FN1: variants seen among roughly 807,000 people sequenced by gnomAD.
FN1 encodes fibronectin 1.
A neutral mutation model predicts 297.3 loss-of-function variants in FN1; 106 were observed. The ratio of observed to expected loss-of-function variants is 0.36; its 90% CI spans 0.30 to 0.42. FN1 has a LOEUF of 0.42. Among genes scored for constraint, FN1 ranks in the 10% least tolerant of loss-of-function variants. The probability of loss-of-function intolerance (pLI) is 1.00; values close to 1 mark genes in which losing one functional copy is unlikely to be tolerated. For missense variants in FN1, 2,690 were observed against 3,124.9 expected, an observed-to-expected ratio of 0.86 and a Z score of 3.32; for synonymous variants, 1,149 against 1,152.6, an observed-to-expected ratio of 1.00 and a Z score of 0.06.
intron 20 of FN1, among the ~76,000 whole-genome samples, chr2:215,401,468 G>A (rs1193742779): frequency 6.6e-6 from 1 of 152,128 alleles, no homozygotes; most frequent in East Asian, 1.9e-4. Context: ...ATTTTGAGTT[G>A]GGTAAGTTTA....
At position 215,362,092 on chromosome 2, in the gene FN1, A is replaced by G. The variant is rs1003487753; in HGVS notation, c.7252-13T>C. The G allele has an allele frequency of 3.7e-6, 6 of 1,602,534 alleles. No individual in the cohort carries two copies. The highest frequency in any genetic ancestry group is 5.1e-6 in the Non-Finnish European group (6 of 1,169,530). Reference sequence around the variant, plus strand: ...CACAGCGCCAGCCCTGAGAGAGTAGAGGCATGAAGTCAAATGGGGTTTATG... The same window carrying G: ...CACAGCGCCAGCCCTGAGAGAGTAGGGGCATGAAGTCAAATGGGGTTTATG... On this transcript the variant is annotated splice_polypyrimidine_tract_variant and intron_variant, in intron 44 of 45. Transcript: ENST00000354785.
chr2:215,427,814 A>G (rs1440611505), intron 6 of FN1, among the ~76,000 whole-genome samples: 1 of 152,038 alleles, frequency 6.6e-6, no homozygotes, highest in Non-Finnish European at 1.5e-5. Flanking sequence ...ATTAATTATA[A>G]CTCTCATTTC....
At chr2:215,385,046 T>C in intron 28 of FN1, 70 bp from the exon 29 acceptor site, 2 of 1,079,374 alleles carry the variant, frequency 1.9e-6, no homozygotes, top group Non-Finnish European at 2.9e-6. Context: ...GTTTGTTCAT[T>C]TTCCAGATAA....
chr2:215,419,937 A>C (rs1339774970), intron 11 of FN1, among the ~76,000 whole-genome samples: 2 of 152,206 alleles, frequency 1.3e-5, no homozygotes. Flanking sequence ...TCAGTGAGCA[A>C]CCTGTCTCTT....
intron 20 of FN1, among the ~76,000 whole-genome samples, chr2:215,403,225 A>G (rs2061358906): frequency 6.6e-6 from 1 of 152,214 alleles, no homozygotes; most frequent in Non-Finnish European, 1.5e-5. Context: ...AGTGAATTTT[A>G]CTTGCTTACG....
rs1575629361 is a variant in FN1 at position 215,408,516 on chromosome 2, T to C, written c.2300-90A>G. On this transcript the variant is annotated intron_variant, in intron 15 of 45. Transcript: ENST00000354785. Reference sequence around the variant, plus strand: ...TATAAGAAGGATATTTTAAGAATTATATATTCATAGGGAAAAGCGACTAGA... The same window carrying C: ...TATAAGAAGGATATTTTAAGAATTACATATTCATAGGGAAAAGCGACTAGA... 3.1e-6 allele frequency: 4 copies of C among 1,300,450 alleles called. No individual in the cohort carries two copies. In the East Asian group the frequency reaches 7.2e-5, roughly 23 times the overall value. The allele number at this position is 1,300,450 out of a possible 1,614,324, so 80.6% of individuals were successfully genotyped here.
At chr2:215,428,381 C>A (rs932933637) in intron 5 of FN1, 43 bp from the exon 6 acceptor site, 5 of 1,584,590 alleles carry the variant, frequency 3.2e-6, no homozygotes, top group South Asian at 1.1e-5. Flanking sequence ...GGTCGAGAGT[C>A]GCAAGTGGTC....
At chr2:215,371,802 C>T (rs2056222626) in intron 40 of FN1, 107 bp downstream of exon 40, 3 of 954,978 alleles carry the variant, frequency 3.1e-6, no homozygotes, top group South Asian at 2.7e-5. Context: ...CGTGAGCCAT[C>T]ACACCCGGCC....
rs1484809386 is a variant in FN1 at position 215,430,704 on chromosome 2, G to A, written c.685+11C>T. The A allele has an allele frequency of 6.8e-6, 11 of 1,613,632 alleles. No homozygotes were observed. The highest frequency in any genetic ancestry group is 8.5e-7 in the Non-Finnish European group (1 of 1,179,726). On this transcript the variant is annotated intron_variant, in intron 5 of 45. Transcript: ENST00000354785. ...CTGGCTTAATCTTTAACATAAAGAT[G>A]TAAAACATACTTCTAGAAGTGCAAG...
In FN1 at chr2:215,406,376, G is replaced by A. The variant is rs746529288; in HGVS notation, c.2848C>T (p.His950Tyr). ...DVIPVNLPGE[H>Y]GQRLPISRNT... Reference sequence around the variant, plus strand: ...CTGCTGATGGGCAGCCTCTGCCCGTGCTCGCCAGGCAGGTTGACGGGGATC... The same window carrying A: ...CTGCTGATGGGCAGCCTCTGCCCGTACTCGCCAGGCAGGTTGACGGGGATC... The change falls in exon 19 of 46, where the codon CAC becomes TAC. Residue 950 changes from histidine (H) to tyrosine (Y), a missense_variant. Coordinates refer to ENST00000354785, the MANE Select transcript of FN1 (RefSeq NM_212482.4). 23 of 1,614,070 alleles carry A rather than the reference G, an allele frequency of 1.4e-5. 1 individual carries two copies. The South Asian group carries it at 2.2e-4, about 15-fold the overall frequency.
rs2058708564 is a variant in FN1, at chr2:215,384,950, C to G, written c.4639G>C (p.Val1547Leu). The stretch of plus-strand genomic sequence containing the variant: ...AGGCTGGTGGGGGTCGCAGCAACAA[C>G]TTCCAGGTCCCTCGGAACATCAGAA... ...TVSDVPRDLE[V>L]VAATPTSLLI... Residue 1547 changes from valine (V) to leucine (L), a missense_variant, in exon 29 of 46, where the codon GTT becomes CTT. Coordinates refer to ENST00000354785, the MANE Select transcript of FN1 (RefSeq NM_212482.4). 2 of 1,613,734 alleles carry G rather than the reference C, an allele frequency of 1.2e-6. No individual in the cohort carries two copies. Among genetic ancestry groups the G allele is most frequent in the Non-Finnish European group, 8.5e-7 (1 of 1,179,816 alleles).
At chr2:215,415,027 G>C (rs546106557) in intron 12 of FN1, 69 bp from the exon 13 acceptor site, 22 of 1,198,590 alleles carry the variant, frequency 1.8e-5, no homozygotes, top group Middle Eastern at 2.3e-4. Context: ...CTGTGTACAT[G>C]GACAGTCATC....
At chr2:215,364,575 A>G (rs1559308914) in intron 44 of FN1, 3 of 464,710 alleles carry the variant, frequency 6.5e-6, no homozygotes, top group Non-Finnish European at 1.2e-5. Context: ...GCTTAGGAAA[A>G]TGATTCTAAC....
intron 10 of FN1, 98 bp from the exon 11 acceptor site, chr2:215,420,899 A>G: frequency 9.6e-7 from 1 of 1,045,764 alleles, no homozygotes; most frequent in Non-Finnish European, 1.5e-6. Flanking sequence ...ACTTCCACTT[A>G]ATTATCAACA....
At chr2:215,407,724 A>G (rs2061952342) in intron 17 of FN1, among the ~76,000 whole-genome samples, 1 of 152,166 alleles carries the variant, frequency 6.6e-6, no homozygotes, top group Admixed American at 6.5e-5. Flanking sequence ...GTGATGAGGC[A>G]GTTGAATCAC....
intron 20 of FN1, among the ~76,000 whole-genome samples, chr2:215,401,568 G>A (rs971799878): frequency 6.6e-6 from 1 of 152,042 alleles, no homozygotes; most frequent in African/African-American, 2.4e-5. Context: ...ATCAAATTTT[G>A]TTCCCATTGG....
intron 24 of FN1, chr2:215,393,871 G>A (rs1354980390): frequency 6.4e-6 from 1 of 155,596 alleles, no homozygotes; most frequent in Non-Finnish European, 1.4e-5. Context: ...GAGTCCAAAG[G>A]GGGACACGAT....
In FN1 at chr2:215,397,096, G is replaced by A. The variant is rs975299556; in HGVS notation, c.3604+41C>T. The A allele has an allele frequency of 5.0e-6, 6 of 1,210,382 alleles. No individual in the cohort carries two copies. In the African/African-American group the frequency reaches 6.0e-5, roughly 12 times the overall value. The allele number at this position is 1,210,382 out of a possible 1,614,324, so 75.0% of individuals were successfully genotyped here. A position where few individuals can be genotyped will look rare whatever the true frequency, so the allele number is the denominator to read the frequency against. The stretch of plus-strand genomic sequence containing the variant: ...GTTTCTAAAATCTTTGTCTTGGGAA[G>A]GTATGGTGTATACTTGCCCTCTGAT... On this transcript the variant is annotated intron_variant, in intron 23 of 45. Transcript: ENST00000354785.
intron 24 of FN1, 33 bp downstream of exon 24, chr2:215,394,495 C>A: frequency 6.5e-7 from 1 of 1,534,072 alleles, no homozygotes. Flanking sequence ...TTGGAAGTGT[C>A]ACTCTCAGGA....
Sources: gnomAD v4.1 joint callset for allele counts (sites outside exome capture counted in the v4.1 genomes callset) on GRCh38, gnomAD v4.1.1 for gene constraint, MANE v1.5 for transcripts, NCBI Gene and HGNC (gene_info 2026-07-23, HGNC 2026-07-21) for gene names.